CD38: variants seen among roughly 807,000 people sequenced by gnomAD.
CD38 encodes ADP-ribosyl cyclase/cyclic ADP-ribose hydrolase 1.
In CD38, 31 loss-of-function variants were observed where a neutral mutation model predicts 36.3. That is an observed-to-expected ratio of 0.85 (90% confidence interval 0.64 to 1.15). CD38 has a LOEUF of 1.15. Ranked by LOEUF, CD38 falls within the 50% of genes most tolerant of loss-of-function variation. The pLI is 0.00. For synonymous variants in CD38, 131 were observed against 135.2 expected (o/e 0.97, Z 0.22); for missense variants, 380 against 371.9 (o/e 1.02, Z -0.18).
rs749699166 is a variant in CD38 at position 15,778,517 on chromosome 4, C to A, written c.103C>A (p.Leu35Ile). Residue 35 changes from leucine to isoleucine, a missense_variant, in exon 1 of 8, where the codon CTC becomes ATC. Coordinates refer to ENST00000226279, the MANE Select transcript of CD38 (RefSeq NM_001775.4). The surrounding 1 kb of genome is among the most constrained non-coding windows in gnomAD (Gnocchi z 4.9). Reference sequence around the variant, plus strand: ...TGGCGTCAGTATCCTGGTCCTGATCCTCGTCGTGGTGCTCGCGGTGGTCGT... The same window carrying A: ...TGGCGTCAGTATCCTGGTCCTGATCATCGTCGTGGTGCTCGCGGTGGTCGT... Reference protein sequence around the residue: ...CLGVSILVLILVVVLAVVVPR... With the variant: ...CLGVSILVLIIVVVLAVVVPR... 1.3e-5 allele frequency: 21 copies of A among 1,613,736 alleles called. 1 individual carries two copies. In the South Asian group the frequency reaches 2.3e-4, roughly 18 times the overall value.
chr4:15,798,255 C>T (rs12644506), intron 1 of CD38, among the ~76,000 whole-genome samples: 8,014 of 152,184 alleles, frequency 0.053, 277 homozygotes, highest in Non-Finnish European at 0.065. Context: ...GTCATAGGAT[C>T]GGTTCAGCAG....
At chr4:15,798,969 A>G (rs1383072716) in intron 1 of CD38, among the ~76,000 whole-genome samples, 2 of 152,172 alleles carry the variant, frequency 1.3e-5, no homozygotes, top group Non-Finnish European at 2.9e-5. Context: ...CTCCCAGTCT[A>G]TGGCTTAACT....
chr4:15,804,409 A>C (rs551073238), intron 1 of CD38, among the ~76,000 whole-genome samples: 1 of 152,308 alleles, frequency 6.6e-6, no homozygotes, highest in East Asian at 1.9e-4. Context: ...ATGATCCAGT[A>C]ATCTCGCTAC....
At chr4:15,807,676 A>G (rs1290326610) in intron 1 of CD38, among the ~76,000 whole-genome samples, 1 of 152,202 alleles carries the variant, frequency 6.6e-6, no homozygotes, top group Admixed American at 6.5e-5. Flanking sequence ...TGAGGAGAGG[A>G]GTGCTCTTGA....
chr4:15,819,870 A>G (rs569095919), intron 2 of CD38, among the ~76,000 whole-genome samples: 2 of 152,326 alleles, frequency 1.3e-5, no homozygotes, highest in African/African-American at 4.8e-5. Context: ...ATGGGCCAAC[A>G]TTCAAATTCA....
intron 1 of CD38, among the ~76,000 whole-genome samples, chr4:15,807,539 C>G (rs201627738): frequency 0.1 from 15,238 of 152,094 alleles, 1,215 homozygotes; most frequent in African/African-American, 0.21. Flanking sequence ...CAGGCCAGCT[C>G]CTGAGTGTCA....
intron 3 of CD38, among the ~76,000 whole-genome samples, chr4:15,826,713 C>G (rs1225796288): frequency 6.6e-6 from 1 of 151,400 alleles, no homozygotes; most frequent in East Asian, 1.9e-4. Flanking sequence ...TAAGAACGGC[C>G]TGGGCAACAT....
chr4:15,802,823 G>A (rs1396410951), intron 1 of CD38, among the ~76,000 whole-genome samples: 2 of 152,128 alleles, frequency 1.3e-5, no homozygotes, highest in African/African-American at 4.8e-5. Flanking sequence ...GGTATTACAG[G>A]CATGAGCCTC....
At position 15,815,215 on chromosome 4, in the gene CD38, C is replaced by T. The variant is rs1443034612; in HGVS notation, c.234-1296C>T. 1.2e-4 allele frequency among the ~76,000 whole-genome samples: 19 copies of T among 152,222 alleles called. 1 individual carries two copies. In the South Asian group the frequency reaches 1.7e-3, roughly 13 times the overall value. On this transcript the variant is annotated intron_variant, in intron 1 of 7. Coordinates refer to ENST00000226279, the MANE Select transcript of CD38 (RefSeq NM_001775.4). ...TCAGGTAACGTGATGCCTCCAACTT[C>T]GTTCTTTTTGCTTAGGATTGTCTTG...
intron 2 of CD38, among the ~76,000 whole-genome samples, chr4:15,819,039 A>G (rs945894499): frequency 7.2e-5 from 11 of 151,970 alleles, no homozygotes; most frequent in Admixed American, 4.6e-4. Context: ...CTTTGCAGGC[A>G]TATGGATGAA....
At position 15,786,840 on chromosome 4, in the gene CD38, G is replaced by A. The variant is rs1722844708; in HGVS notation, c.233+8193G>A. On this transcript the variant is annotated intron_variant, in intron 1 of 7. Transcript: ENST00000226279. ...GCCCACGGCAGGGAGGGTGGGGGGA[G>A]GCTCAGGCATGGTGGGCTACAGGTC... Among the ~76,000 whole-genome samples the A allele has an allele frequency of 2.0e-5, 3 of 152,212 alleles. No individual in the cohort carries two copies. In the South Asian group the frequency reaches 6.2e-4, roughly 31 times the overall value.
chr4:15,832,301 T>C lies in CD38; in HGVS notation c.500-1916T>C, dbSNP rs781612325. Among the ~76,000 whole-genome samples the C allele has an allele frequency of 2.2e-4, 34 of 152,374 alleles. 1 individual carries two copies. The highest frequency in any genetic ancestry group is 1.7e-3 in the South Asian group (8 of 4,832). On this transcript the variant is annotated intron_variant, in intron 3 of 7. Coordinates refer to ENST00000226279, the MANE Select transcript of CD38 (RefSeq NM_001775.4). Reference sequence around the variant, plus strand: ...ATTTAATTCATTTGGTGAGGTCATGTATTCCTGGATGGTCTTGATACTTGT... The same window carrying C: ...ATTTAATTCATTTGGTGAGGTCATGCATTCCTGGATGGTCTTGATACTTGT...
intron 5 of CD38, among the ~76,000 whole-genome samples, chr4:15,839,319 C>T (rs1485283102): frequency 1.3e-5 from 2 of 151,718 alleles, no homozygotes; most frequent in Non-Finnish European, 2.9e-5. Flanking sequence ...TCTTTCAAAG[C>T]ATTGCCTCTC....
chr4:15,816,623 AC>A lies in CD38; in HGVS notation c.348del (p.Val117TyrfsTer12), dbSNP rs769492469. ...GCCACTAATGAAGTTGGGAACTCAG[AC>A]CGTACCTTGCAACAAGGTAATTGGG... ...YQPLMKLGTQ[T>X]VPCNKILLWS... On this transcript the variant is annotated frameshift_variant, in exon 2 of 8. Transcript: ENST00000226279. LOFTEE classifies it high-confidence loss of function. 21 of 1,613,838 alleles carry A rather than the reference AC, an allele frequency of 1.3e-5. No individual in the cohort carries two copies. The highest frequency in any genetic ancestry group is 1.5e-5 in the Non-Finnish European group (18 of 1,179,866).
rs1328869236 is a variant in CD38 at position 15,791,465 on chromosome 4, C to A, written c.233+12818C>A. On this transcript the variant is annotated intron_variant, in intron 1 of 7. Coordinates refer to ENST00000226279, the MANE Select transcript of CD38 (RefSeq NM_001775.4). The stretch of plus-strand genomic sequence containing the variant: ...CCTCTGCCCGGCCAGCCGCCCCGTC[C>A]GGGAGGGAGGTGGGGGGGGGTCAGC... 3.3e-4 allele frequency among the ~76,000 whole-genome samples: 13 copies of A among 39,982 alleles called. 1 individual carries two copies. In the East Asian group the frequency reaches 5.4e-3, roughly 17 times the overall value. 26.2% of individuals were successfully genotyped at this position (39,982 alleles called of 152,430 possible).
At position 15,850,692 on chromosome 4, in the gene CD38, C is replaced by T. The variant is rs202149337; in HGVS notation, c.*2090C>T. On this transcript the variant is annotated 3_prime_UTR_variant, in exon 8 of 8. Transcript: ENST00000226279. ...AGCCACCATGGTCAGTCCAGGGATT[C>T]TTCACTAGCCCCTTCTCCCCTGGCA... 4.7e-4 allele frequency: 71 copies of T among 152,304 alleles called. No homozygotes were observed. The East Asian group carries it at 0.012, about 26-fold the overall frequency. 9.4% of individuals were successfully genotyped at this position (152,304 alleles called of 1,614,324 possible).
At chr4:15,787,160 A>G (rs1722856751) in intron 1 of CD38, among the ~76,000 whole-genome samples, 1 of 152,244 alleles carries the variant, frequency 6.6e-6, no homozygotes, top group South Asian at 2.1e-4. Flanking sequence ...CCCACAGTGC[A>G]GCTGTGGGCT....
At chr4:15,800,873 C>T (rs961639383) in intron 1 of CD38, among the ~76,000 whole-genome samples, 1 of 151,890 alleles carries the variant, frequency 6.6e-6, no homozygotes, top group East Asian at 1.9e-4. Flanking sequence ...TAACAGTGAA[C>T]CTCAGGAAAC....
chr4:15,784,325 T>C (rs1722765351), intron 1 of CD38, among the ~76,000 whole-genome samples: 1 of 152,190 alleles, frequency 6.6e-6, no homozygotes, highest in African/African-American at 2.4e-5. Flanking sequence ...GCATTTCAGG[T>C]CTTCCTTTAA....
Sources: gnomAD v4.1 joint callset for allele counts (sites outside exome capture counted in the v4.1 genomes callset) on GRCh38, gnomAD v4.1.1 for gene constraint, Gnocchi (gnomAD v3.1) non-coding constraint, MANE v1.5 for transcripts, NCBI Gene and HGNC (gene_info 2026-07-23, HGNC 2026-07-21) for gene names.